The following NFIB variants were observed in gnomAD, a reference collection of about 807,000 sequenced individuals.
NFIB encodes the protein nuclear factor I B.
A neutral mutation model predicts 61.5 loss-of-function variants in NFIB; 11 were observed. The observed-to-expected ratio is 0.18, with a 90% CI of 0.11 to 0.30. The LOEUF (loss-of-function observed/expected upper bound fraction) is 0.30, where lower values mean the gene tolerates loss of function less well. Among genes scored for constraint, NFIB ranks in the 10% least tolerant of loss-of-function variants. The pLI is 1.00. For missense variants in NFIB, 471 were observed against 608.9 expected, an observed-to-expected ratio of 0.77 and a Z score of 2.38; for synonymous variants, 260 against 216.5, an observed-to-expected ratio of 1.20 and a Z score of -1.76.
chr9:14,404,548 TTCC>T, the NFIB span, among the ~76,000 whole-genome samples: 1 of 152,228 alleles, frequency 6.6e-6, no homozygotes, highest in South Asian at 2.1e-4. Flanking sequence ...TTTAGTTTGA[TTCC>T]CCATGTTTAT....
chr9:14,497,980 C>T, the NFIB span, among the ~76,000 whole-genome samples: 3 of 152,336 alleles, frequency 2.0e-5, no homozygotes, highest in South Asian at 6.2e-4. Context: ...TGGATCTAAA[C>T]TTGCCTGAAG....
intron 2 of NFIB, among the ~76,000 whole-genome samples, chr9:14,253,985 C>T (rs188426591): frequency 1.3e-5 from 2 of 152,248 alleles, no homozygotes; most frequent in East Asian, 1.9e-4. Flanking sequence ...TGACAAAACC[C>T]GTCTTTTAAA....
intron 2 of NFIB, among the ~76,000 whole-genome samples, chr9:14,193,323 G>C (rs533044249): frequency 6.6e-6 from 1 of 152,030 alleles, no homozygotes; most frequent in South Asian, 2.1e-4. Context: ...TCCTTGACTG[G>C]AACAATTATA....
At chr9:14,233,054 G>A (rs1218222089) in intron 2 of NFIB, among the ~76,000 whole-genome samples, 1 of 152,096 alleles carries the variant, frequency 6.6e-6, no homozygotes, top group Non-Finnish European at 1.5e-5. Context: ...AGAGCAAAAA[G>A]TCACCACTTT....
intron 2 of NFIB, among the ~76,000 whole-genome samples, chr9:14,216,371 T>A (rs2050858711): frequency 6.6e-6 from 1 of 152,138 alleles, no homozygotes; most frequent in African/African-American, 2.4e-5. Context: ...CTATTAAGTC[T>A]CTGTGTGGAT....
At chr9:14,221,050 G>C (rs568563853) in intron 2 of NFIB, among the ~76,000 whole-genome samples, 1 of 152,016 alleles carries the variant, frequency 6.6e-6, no homozygotes, top group Non-Finnish European at 1.5e-5. Flanking sequence ...TGCATCCTGA[G>C]GTCAAGCCAA....
rs1226516849 is a variant in NFIB, at chr9:14,084,912, G to T, written c.*3397C>A. Reference sequence around the variant, plus strand: ...TTGAACTAGGCCTTTGTATTCAAGAGGCAGGCAGGAATACCCACAGTGTGT... The same window carrying T: ...TTGAACTAGGCCTTTGTATTCAAGATGCAGGCAGGAATACCCACAGTGTGT... On this transcript the variant is annotated 3_prime_UTR_variant, in exon 11 of 11. Transcript: ENST00000380953. 4.3e-6 allele frequency: 1 copy of T among 230,804 alleles called. No individual in the cohort carries two copies. Among genetic ancestry groups the T allele is most frequent in the Non-Finnish European group, 8.6e-6 (1 of 116,350 alleles). 14.3% of individuals were successfully genotyped at this position (230,804 alleles called of 1,614,324 possible).
At position 14,082,560 on chromosome 9, in the gene NFIB, T is replaced by C. The variant is rs1431570442; in HGVS notation, c.*5749A>G. The C allele has an allele frequency of 4.8e-6, 1 of 207,948 alleles. No individual in the cohort carries two copies. The highest frequency in any genetic ancestry group is 9.8e-6 in the Non-Finnish European group (1 of 101,864). The allele number at this position is 207,948 out of a possible 1,614,324, so 12.9% of individuals were successfully genotyped here. A position where few individuals can be genotyped will look rare whatever the true frequency, so the allele number is the denominator to read the frequency against. ...TCTACAATGTTGTAGAGATTTTTTT[T>C]CCCAAGAAAATGTCATTTGAAACAT... On this transcript the variant is annotated 3_prime_UTR_variant, in exon 11 of 11. Transcript: ENST00000380953.
chr9:14,477,928 C>T, the NFIB span, among the ~76,000 whole-genome samples: 3 of 151,996 alleles, frequency 2.0e-5, no homozygotes, highest in African/African-American at 7.3e-5. Context: ...TCTTCCAGAC[C>T]CATAAGATCT....
intron 2 of NFIB, among the ~76,000 whole-genome samples, chr9:14,281,282 A>G (rs955395341): frequency 6.6e-6 from 1 of 152,202 alleles, no homozygotes; most frequent in Non-Finnish European, 1.5e-5. Context: ...TGCTTCAGAA[A>G]ACTATTAACT....
intron 10 of NFIB, among the ~76,000 whole-genome samples, chr9:14,098,358 A>C (rs1185220421): frequency 6.6e-6 from 1 of 152,224 alleles, no homozygotes; most frequent in Non-Finnish European, 1.5e-5. Flanking sequence ...AGAATGAAAC[A>C]ATAAATTCAG....
chr9:14,373,089 G>GGACAATGACAATCAAGAAGC (rs1361949495), intron 1 of NFIB, among the ~76,000 whole-genome samples: 1 of 152,130 alleles, frequency 6.6e-6, no homozygotes, highest in African/African-American at 2.4e-5. Flanking sequence ...GGAAGGTCAG[G>GGACAATGACAATCAAGAAGC]GACAATGACA....
intron 2 of NFIB, among the ~76,000 whole-genome samples, chr9:14,232,092 G>A (rs1427462738): frequency 2.6e-5 from 4 of 152,102 alleles, no homozygotes; most frequent in Non-Finnish European, 5.9e-5. Flanking sequence ...TTTTGTTGTT[G>A]TTCTGTTTTT....
chr9:14,119,850 TAC>T (rs1245455456), intron 8 of NFIB, among the ~76,000 whole-genome samples: 2 of 152,150 alleles, frequency 1.3e-5, no homozygotes, highest in Non-Finnish European at 2.9e-5. Context: ...CATGAGTCAC[TAC>T]ACTTACAAAA....
chr9:14,321,755 A>G (rs533494012), intron 1 of NFIB, among the ~76,000 whole-genome samples: 1 of 152,232 alleles, frequency 6.6e-6, no homozygotes, highest in Non-Finnish European at 1.5e-5. Flanking sequence ...GCATATTTGC[A>G]AATTAGTTCT....
At chr9:14,497,167 T>A in the NFIB span, among the ~76,000 whole-genome samples, 1 of 151,960 alleles carries the variant, frequency 6.6e-6, no homozygotes, top group African/African-American at 2.4e-5. Context: ...GGTATCTAGG[T>A]TTTTTTATCT....
chr9:14,416,425 G>A, the NFIB span, among the ~76,000 whole-genome samples: 2 of 152,054 alleles, frequency 1.3e-5, no homozygotes, highest in Non-Finnish European at 2.9e-5. Flanking sequence ...GACAAGAGGC[G>A]GAGGTGAAAG....
chr9:14,466,615 C>T, the NFIB span, among the ~76,000 whole-genome samples: 1 of 152,168 alleles, frequency 6.6e-6, no homozygotes, highest in Non-Finnish European at 1.5e-5. Flanking sequence ...CTCTCCATAG[C>T]GGTGGAACAC....
the NFIB span, among the ~76,000 whole-genome samples, chr9:14,434,604 G>A: frequency 2.0e-5 from 3 of 152,102 alleles, no homozygotes; most frequent in South Asian, 2.1e-4. Context: ...TTTTCTCCCC[G>A]CCAGAATAGC....
Sources: allele counts gnomAD v4.1 joint callset (sites outside exome capture counted in the v4.1 genomes callset), GRCh38; gene constraint gnomAD v4.1.1; transcripts MANE v1.5; gene names NCBI Gene and HGNC (gene_info 2026-07-23, HGNC 2026-07-21).